Variants in NOTCH2 observed in about 807,000 individuals in gnomAD.
NOTCH2 encodes notch receptor 2.
In NOTCH2, 29 loss-of-function variants were observed where a neutral mutation model predicts 235.8. The observed-to-expected ratio is 0.12, with a 90% CI of 0.09 to 0.17. The LOEUF (loss-of-function observed/expected upper bound fraction) is 0.17, where lower values mean the gene tolerates loss of function less well. Ranked by LOEUF, NOTCH2 falls within the 10% of genes least tolerant of loss-of-function variation. The pLI, the probability that NOTCH2 is intolerant of heterozygous loss-of-function variation, is 1.00. For synonymous variants in NOTCH2, 1,086 were observed against 1,141.5 expected, an observed-to-expected ratio of 0.95 and a Z score of 0.98; for missense variants, 2,285 against 3,150.2, an observed-to-expected ratio of 0.73 and a Z score of 6.57.
At chr1:119,962,089 C>A (rs1484830743) in intron 11 of NOTCH2, among the ~76,000 whole-genome samples, 1 of 152,160 alleles carries the variant, frequency 6.6e-6, no homozygotes, top group African/African-American at 2.4e-5. Flanking sequence ...CCGGGCCTTC[C>A]TTTCCATGCT....
chr1:120,039,510 G>A (rs868977846), intron 1 of NOTCH2, among the ~76,000 whole-genome samples: 9 of 149,856 alleles, frequency 6.0e-5, no homozygotes, highest in East Asian at 2.0e-4. Flanking sequence ...CTGGGTTCAC[G>A]CCATTCTCCT....
At position 120,069,200 on chromosome 1, in the gene NOTCH2, C is replaced by T. The variant is rs782121268; in HGVS notation, c.73+134G>A. The T allele has an allele frequency of 2.6e-6, 4 of 1,528,040 alleles. No homozygotes were observed. The South Asian group carries it at 4.8e-5, about 18-fold the overall frequency. 94.7% of individuals were successfully genotyped at this position (1,528,040 alleles called of 1,614,324 possible). A position where few individuals can be genotyped will look rare whatever the true frequency, so the allele number is the denominator to read the frequency against. ...CCGGCGATGTCCAAACTCTTGGGAA[C>T]CCAGCGAGTGGCCTCGCTCCGCGCC... On this transcript the variant is annotated intron_variant, in intron 1 of 33. Transcript: ENST00000256646.
At chr1:120,037,134 T>G (rs1209313019) in intron 1 of NOTCH2, among the ~76,000 whole-genome samples, 1 of 152,170 alleles carries the variant, frequency 6.6e-6, no homozygotes, top group East Asian at 1.9e-4. Context: ...TCCTTCTCCC[T>G]ATGTGCAGTG....
At chr1:119,982,966 C>A (rs1479040849) in intron 5 of NOTCH2, among the ~76,000 whole-genome samples, 2 of 152,136 alleles carry the variant, frequency 1.3e-5, no homozygotes, top group East Asian at 3.9e-4. Context: ...ATGGTAATAC[C>A]TACAGACCAT....
At chr1:119,942,011 G>C (rs991958219) in intron 17 of NOTCH2, among the ~76,000 whole-genome samples, 3 of 152,178 alleles carry the variant, frequency 2.0e-5, no homozygotes, top group African/African-American at 7.2e-5. Flanking sequence ...CATAAAACTT[G>C]CATTGGTCCC....
intron 12 of NOTCH2, among the ~76,000 whole-genome samples, chr1:119,956,201 T>C (rs918067385): frequency 6.6e-6 from 1 of 152,228 alleles, no homozygotes; most frequent in African/African-American, 2.4e-5. Flanking sequence ...GTTATACAAG[T>C]GTTTCCATTT....
At chr1:119,928,166 G>GT in intron 23 of NOTCH2, among the ~76,000 whole-genome samples, 1 of 152,164 alleles carries the variant, frequency 6.6e-6, no homozygotes, top group East Asian at 1.9e-4. Context: ...GAAGTAACTA[G>GT]TAAGTTCTTG....
intron 12 of NOTCH2, 73 bp downstream of exon 12, chr1:119,959,319 A>C: frequency 1.2e-6 from 1 of 846,936 alleles, no homozygotes; most frequent in Non-Finnish European, 2.1e-6. Flanking sequence ...CTTGAAAAGC[A>C]ATATTCCTTT....
Position 119,963,783 on chromosome 1 carries a change from T to A in NOTCH2, c.1706A>T (p.Glu569Val), listed in dbSNP as rs2101137474. 6.2e-7 allele frequency: 1 copy of A among 1,614,102 alleles called. No homozygotes were observed. The highest frequency in any genetic ancestry group is 8.5e-7 in the Non-Finnish European group (1 of 1,179,968). The change falls in exon 11 of 34, where the codon GAG becomes GTG. Residue 569 changes from glutamate (E) to valine (V), a missense_variant. By Grantham distance (121) the Glu-to-Val change is moderately radical (BLOSUM62 -2). Around this residue, in one of 6 missense-constraint regions of NOTCH2, gnomAD observed 431 missense variants for 757.8 expected, o/e 0.57. Transcript: ENST00000256646. The stretch of plus-strand genomic sequence containing the variant: ...ATCGGGGTCACAGTTGTCAATGTTC[T>A]CCTCACACAACACACCAGTGAAACC... ...ATGFTGVLCE[E>V]NIDNCDPDPC...
At chr1:120,017,373 C>G (rs1653486923) in intron 2 of NOTCH2, among the ~76,000 whole-genome samples, 3 of 152,060 alleles carry the variant, frequency 2.0e-5, no homozygotes, top group Non-Finnish European at 4.4e-5. Context: ...CCTTGATACC[C>G]CCTCTGTTCT....
rs757743077 is a variant in NOTCH2 at position 119,916,412 on chromosome 1, T to C, written c.6310A>G (p.Arg2104Gly). 1.9e-6 allele frequency: 3 copies of C among 1,614,160 alleles called. No homozygotes were observed. The highest frequency in any genetic ancestry group is 1.7e-5 in the Admixed American group (1 of 60,024). ...ATGGTACTCTTGGCACTGGGCCGTC[T>C]AGACTTCTTGCCCATTGGGGTGTGC... The part of the protein sequence containing the change: ...LKHTPMGKKS[R>G]RPSAKSTMPT... The change falls in exon 34 of 34, where the codon AGA becomes GGA. Residue 2104 changes from arginine to glycine, a missense_variant. Around this residue, in one of 6 missense-constraint regions of NOTCH2, gnomAD observed 504 missense variants for 538.0 expected, o/e 0.94. Coordinates refer to ENST00000256646, the MANE Select transcript of NOTCH2 (RefSeq NM_024408.4).
Position 119,913,750 on chromosome 1 carries a change from G to A in NOTCH2, c.*1556C>T, listed in dbSNP as rs1396177521. On this transcript the variant is annotated 3_prime_UTR_variant, in exon 34 of 34. Transcript: ENST00000256646. ...CATCTAAAAGGTGACTCTAGGAAAG[G>A]AAAATGTTCTGTTGAGTTTCTACGT... 1 of 232,734 alleles carries A rather than the reference G, an allele frequency of 4.3e-6. No homozygotes were observed. The highest frequency in any genetic ancestry group is 6.0e-5 in the East Asian group (1 of 16,584). The allele number at this position is 232,734 out of a possible 1,614,324, so 14.4% of individuals were successfully genotyped here. A position where few individuals can be genotyped will look rare whatever the true frequency, so the allele number is the denominator to read the frequency against.
At chr1:119,922,577 G>A (rs1557805112) in intron 27 of NOTCH2, 59 bp downstream of exon 27, 1 of 1,611,180 alleles carries the variant, frequency 6.2e-7, no homozygotes, top group East Asian at 2.2e-5. Flanking sequence ...AATGAAAATT[G>A]TTCCCCCAAT....
At chr1:119,986,344 A>G (rs186178756) in intron 5 of NOTCH2, among the ~76,000 whole-genome samples, 1 of 152,324 alleles carries the variant, frequency 6.6e-6, no homozygotes, top group Non-Finnish European at 1.5e-5. Flanking sequence ...TACATGAGAA[A>G]CTTCCAAGAG....
chr1:119,982,192 C>T (rs1243490357), intron 5 of NOTCH2, among the ~76,000 whole-genome samples: 1 of 152,200 alleles, frequency 6.6e-6, no homozygotes, highest in African/African-American at 2.4e-5. Context: ...GCTCTTGAGG[C>T]TCATCATGCT....
intron 5 of NOTCH2, among the ~76,000 whole-genome samples, chr1:119,978,892 G>GA (rs587737762): frequency 1.3e-5 from 2 of 152,052 alleles, no homozygotes; most frequent in South Asian, 2.1e-4. Flanking sequence ...GAGTAAAATG[G>GA]AAAAAAACAA....
rs914270793 is a variant in NOTCH2, at chr1:119,913,840, G to C, written c.*1466C>G. The C allele has an allele frequency of 3.9e-5, 9 of 232,980 alleles. No homozygotes were observed. The highest frequency in any genetic ancestry group is 6.8e-5 in the Non-Finnish European group (8 of 117,942). The allele number at this position is 232,980 out of a possible 1,614,324, so 14.4% of individuals were successfully genotyped here. A position where few individuals can be genotyped will look rare whatever the true frequency, so the allele number is the denominator to read the frequency against. On this transcript the variant is annotated 3_prime_UTR_variant, in exon 34 of 34. Coordinates refer to ENST00000256646, the MANE Select transcript of NOTCH2 (RefSeq NM_024408.4). ...AGAAATGGTAGCAGAAAATAGCAAA[G>C]GCTGCTATATAGTTCCTCCTTTTCC... is the stretch of plus-strand genomic sequence containing the variant.
intron 5 of NOTCH2, among the ~76,000 whole-genome samples, chr1:119,975,160 A>G (rs587746642): frequency 6.6e-6 from 1 of 152,358 alleles, no homozygotes; most frequent in South Asian, 2.1e-4. Context: ...AAGAAGGCCA[A>G]TCTGAGCTGA....
intron 10 of NOTCH2, 59 bp from the exon 11 acceptor site, chr1:119,963,866 A>G: frequency 7.2e-7 from 1 of 1,381,506 alleles, no homozygotes; most frequent in Non-Finnish European, 1.0e-6. Flanking sequence ...CCACACCAGA[A>G]CACAAGTGTA....
Sources: allele counts gnomAD v4.1 joint callset (sites outside exome capture counted in the v4.1 genomes callset), GRCh38; gene constraint gnomAD v4.1.1; regional missense constraint gnomAD v4.1.1; transcripts MANE v1.5; gene names NCBI Gene and HGNC (gene_info 2026-07-23, HGNC 2026-07-21).